PLCG2: variants seen among roughly 807,000 people sequenced by gnomAD.
PLCG2 encodes the protein 1-phosphatidylinositol 4,5-bisphosphate phosphodiesterase gamma-2.
A neutral mutation model predicts 175.6 loss-of-function variants in PLCG2; 69 were observed. The observed-to-expected ratio is 0.39, with a 90% CI of 0.32 to 0.48. PLCG2 has a LOEUF of 0.48. Ranked by LOEUF, PLCG2 falls within the 20% of genes least tolerant of loss-of-function variation. PLCG2 has a pLI of 0.91. For synonymous variants in PLCG2, 827 were observed against 624.0 expected, an observed-to-expected ratio of 1.33 and a Z score of -4.85; for missense variants, 1,798 against 1,650.9, an observed-to-expected ratio of 1.09 and a Z score of -1.54.
intron 2 of PLCG2, among the ~76,000 whole-genome samples, chr16:81,773,117 T>G (rs1336035139): frequency 6.6e-6 from 1 of 152,176 alleles, no homozygotes. Flanking sequence ...CAGAGCAGGC[T>G]TTGTGACCCA....
chr16:81,796,949 G>A (rs574110185), intron 2 of PLCG2, among the ~76,000 whole-genome samples: 9 of 152,314 alleles, frequency 5.9e-5, no homozygotes, highest in Non-Finnish European at 1.3e-4. Context: ...GGGCAACGGG[G>A]TGAGTACAGG....
chr16:81,957,011 C>A, intron 32 of PLCG2, 132 bp downstream of exon 32: 1 of 565,204 alleles, frequency 1.8e-6, no homozygotes, highest in Non-Finnish European at 2.7e-6. Flanking sequence ...GGCATGGTGG[C>A]TCACAGGCCA....
At chr16:81,932,071 G>A (rs1325432162) in intron 25 of PLCG2, among the ~76,000 whole-genome samples, 2 of 152,176 alleles carry the variant, frequency 1.3e-5, no homozygotes, top group Non-Finnish European at 2.9e-5. Flanking sequence ...TGGGCTCTGG[G>A]AACATAGCAA....
intron 14 of PLCG2, among the ~76,000 whole-genome samples, chr16:81,904,763 T>TTATA (rs1392293524): frequency 6.6e-6 from 1 of 152,220 alleles, no homozygotes. Context: ...CTCATGGGGT[T>TTATA]TATATTCTAG....
chr16:81,938,469 A>C, intron 28 of PLCG2: 1 of 345,242 alleles, frequency 2.9e-6, no homozygotes, highest in Non-Finnish European at 5.3e-6. Flanking sequence ...AGCCTTTCCT[A>C]GGGGTGTGGA....
chr16:81,787,998 T>A (rs1911060187), intron 2 of PLCG2, among the ~76,000 whole-genome samples: 3 of 152,238 alleles, frequency 2.0e-5, no homozygotes, highest in Admixed American at 6.5e-5. Context: ...TGCCACCTTT[T>A]GGCTAATATA....
chr16:81,956,713 T>C lies in PLCG2; in HGVS notation c.3589T>C (p.Tyr1197His), dbSNP rs1388794490. Residue 1197 changes from tyrosine (Y) to histidine (H), a missense_variant, in exon 32 of 33, where the codon TAC becomes CAC. Transcript: ENST00000564138. ...RPVLESEEELYSSCRQLRRRQ... is the reference protein window; with the variant it reads ...RPVLESEEELHSSCRQLRRRQ... ...CCTCCAGGAGAGCGAAGAGGAACTT[T>C]ACTCCTCCTGTCGCCAGCTGAGGAG... The C allele has an allele frequency of 6.2e-7, 1 of 1,614,082 alleles. No homozygotes were observed. The highest frequency in any genetic ancestry group is 8.5e-7 in the Non-Finnish European group (1 of 1,179,994).
chr16:81,861,045 AAAAACCAAAACC>A (rs572887218), intron 5 of PLCG2, among the ~76,000 whole-genome samples: 1 of 152,104 alleles, frequency 6.6e-6, no homozygotes, highest in African/African-American at 2.4e-5. Flanking sequence ...AAAAAACCAA[AAAAACCAAAACC>A]AAAACCAAAA....
intron 2 of PLCG2, among the ~76,000 whole-genome samples, chr16:81,805,702 A>G (rs1911974247): frequency 6.8e-6 from 1 of 146,150 alleles, no homozygotes; most frequent in African/African-American, 2.6e-5. Flanking sequence ...CTTCTGGACC[A>G]CTGCTGTGCA....
At chr16:81,808,881 C>T (rs1238493245) in intron 2 of PLCG2, among the ~76,000 whole-genome samples, 1 of 152,180 alleles carries the variant, frequency 6.6e-6, no homozygotes, top group African/African-American at 2.4e-5. Context: ...TCAGAGCATG[C>T]TGGAGGGGCT....
intron 8 of PLCG2, 50 bp from the exon 9 acceptor site, chr16:81,883,219 C>A: frequency 3.2e-6 from 5 of 1,546,220 alleles, no homozygotes; most frequent in Non-Finnish European, 4.5e-6. Context: ...CTCTCGACTC[C>A]TCTGTTGAAT....
intron 32 of PLCG2, among the ~76,000 whole-genome samples, chr16:81,957,275 G>C (rs571911171): frequency 6.6e-6 from 1 of 152,004 alleles, no homozygotes; most frequent in African/African-American, 2.4e-5. Context: ...CTCCAGCCTG[G>C]GCACCAGAGG....
intron 31 of PLCG2, among the ~76,000 whole-genome samples, chr16:81,946,894 GCTTA>G (rs1198763318): frequency 1.2e-4 from 2 of 17,310 alleles, no homozygotes; most frequent in East Asian, 0.01. Context: ...AAGACCCTTT[GCTTA>G]GTGAAGCAGA....
chr16:81,870,100 A>G (rs963259825), intron 6 of PLCG2, among the ~76,000 whole-genome samples: 2 of 152,188 alleles, frequency 1.3e-5, no homozygotes, highest in African/African-American at 2.4e-5. Context: ...CCTGCCCCCA[A>G]TATTCCACAT....
chr16:81,827,029 T>C (rs1905075128), intron 2 of PLCG2, among the ~76,000 whole-genome samples: 2 of 152,158 alleles, frequency 1.3e-5, no homozygotes. Context: ...CCCTAGGGAA[T>C]TTCCTCATGT....
At chr16:81,810,752 A>G (rs553007993) in intron 2 of PLCG2, among the ~76,000 whole-genome samples, 14 of 151,596 alleles carry the variant, frequency 9.2e-5, no homozygotes, top group African/African-American at 2.4e-4. Context: ...GTGACTATCT[A>G]TGGATCATTT....
intron 2 of PLCG2, among the ~76,000 whole-genome samples, chr16:81,794,496 C>G (rs1028839621): frequency 2.6e-5 from 4 of 152,108 alleles, no homozygotes; most frequent in African/African-American, 7.2e-5. Flanking sequence ...ATTTGCCTTT[C>G]AGTTACTGGT....
At chr16:81,808,481 TTTTTATTTTA>T (rs534581346) in intron 2 of PLCG2, among the ~76,000 whole-genome samples, 5 of 152,042 alleles carry the variant, frequency 3.3e-5, no homozygotes, top group East Asian at 1.9e-4. Context: ...CTGTGCAATC[TTTTTATTTTA>T]TTTTATTTTA....
At chr16:81,930,544 T>A (rs950852125) in intron 24 of PLCG2, among the ~76,000 whole-genome samples, 6 of 152,126 alleles carry the variant, frequency 3.9e-5, no homozygotes, top group African/African-American at 1.4e-4. Context: ...GCTCAGGAGT[T>A]CGAGACCAGC....
Sources: gnomAD v4.1 joint callset for allele counts (sites outside exome capture counted in the v4.1 genomes callset) on GRCh38, gnomAD v4.1.1 for gene constraint, MANE v1.5 for transcripts, NCBI Gene and HGNC (gene_info 2026-07-23, HGNC 2026-07-21) for gene names.